Variants in SYT1 observed in about 807,000 individuals in gnomAD.
SYT1 encodes the protein synaptotagmin 1.
Under a neutral mutation model 44.8 loss-of-function variants are expected in SYT1, and 8 were observed. The observed-to-expected ratio is 0.18, with a 90% CI of 0.10 to 0.32. The LOEUF (loss-of-function observed/expected upper bound fraction) is 0.32. Among genes scored for constraint, SYT1 ranks in the 10% least tolerant of loss-of-function variants. SYT1 has a pLI of 1.00. For missense variants in SYT1, 286 were observed against 509.3 expected (o/e 0.56, Z 4.22); for synonymous variants, 154 against 188.8 (o/e 0.82, Z 1.51).
intron 1 of SYT1, among the ~76,000 whole-genome samples, chr12:78,946,118 T>C (rs1258445354): frequency 3.9e-5 from 6 of 152,214 alleles, no homozygotes; most frequent in Non-Finnish European, 8.8e-5. Flanking sequence ...AGAGAATTCT[T>C]AAATAAAACT....
At chr12:78,887,642 C>T (rs1312640003) in intron 1 of SYT1, among the ~76,000 whole-genome samples, 6 of 151,776 alleles carry the variant, frequency 4.0e-5, no homozygotes, top group Non-Finnish European at 5.9e-5. Flanking sequence ...ATTTCTGTAA[C>T]GTAATTGCTT....
At chr12:79,105,321 G>A (rs1878656398) in intron 3 of SYT1, among the ~76,000 whole-genome samples, 1 of 152,116 alleles carries the variant, frequency 6.6e-6, no homozygotes, top group African/African-American at 2.4e-5. Context: ...AACGTGTCCA[G>A]CACTAACAAA....
chr12:79,037,448 T>C (rs1873206272), intron 2 of SYT1, among the ~76,000 whole-genome samples: 1 of 151,802 alleles, frequency 6.6e-6, no homozygotes, highest in Non-Finnish European at 1.5e-5. Flanking sequence ...GTTTTCGTAT[T>C]TGTTGACTTG....
chr12:78,911,804 C>A (rs1876346647), intron 1 of SYT1, among the ~76,000 whole-genome samples: 1 of 151,936 alleles, frequency 6.6e-6, no homozygotes. Context: ...GCTGGGGAAA[C>A]ATTTGCGATT....
intron 1 of SYT1, among the ~76,000 whole-genome samples, chr12:78,919,040 G>A (rs924007674): frequency 6.6e-6 from 1 of 151,962 alleles, no homozygotes; most frequent in African/African-American, 2.4e-5. Flanking sequence ...GGCCAGGAAA[G>A]CATTGATGTG....
At chr12:78,985,666 A>T (rs979587688) in intron 2 of SYT1, among the ~76,000 whole-genome samples, 1 of 151,824 alleles carries the variant, frequency 6.6e-6, no homozygotes, top group East Asian at 1.9e-4. Flanking sequence ...AAATTTTGGG[A>T]CTTATTATAT....
At chr12:79,291,770 A>G (rs1303679697) in intron 5 of SYT1, 4 of 613,812 alleles carry the variant, frequency 6.5e-6, no homozygotes, top group Non-Finnish European at 1.2e-5. Context: ...TGCTTGCAAT[A>G]TTCTGAGGGG....
chr12:79,275,449 C>T (rs1878662138), intron 4 of SYT1, among the ~76,000 whole-genome samples: 1 of 152,108 alleles, frequency 6.6e-6, no homozygotes, highest in South Asian at 2.1e-4. Context: ...CAGGTTCAGG[C>T]TTGCAAGAGG....
At chr12:79,432,496 T>G (rs1271569648) in intron 9 of SYT1, among the ~76,000 whole-genome samples, 1 of 152,128 alleles carries the variant, frequency 6.6e-6, no homozygotes, top group Non-Finnish European at 1.5e-5. Context: ...TTATCACTTT[T>G]TCTAATGGGA....
intron 4 of SYT1, among the ~76,000 whole-genome samples, chr12:79,266,121 A>G (rs1179695535): frequency 1.3e-5 from 2 of 152,202 alleles, no homozygotes; most frequent in Non-Finnish European, 2.9e-5. Context: ...GCCTCTGATT[A>G]TATTTTTATT....
At chr12:79,235,546 T>A (rs112586418) in intron 4 of SYT1, among the ~76,000 whole-genome samples, 5 of 151,022 alleles carry the variant, frequency 3.3e-5, no homozygotes, top group African/African-American at 1.2e-4. Flanking sequence ...AAATATACCA[T>A]TAAGAAAATA....
intron 3 of SYT1, among the ~76,000 whole-genome samples, chr12:79,170,962 T>C (rs1163560944): frequency 6.6e-6 from 1 of 152,094 alleles, no homozygotes; most frequent in Non-Finnish European, 1.5e-5. Flanking sequence ...CTTTCCCCAT[T>C]GCTTGTTTTT....
chr12:79,189,620 T>G (rs1472604140), intron 3 of SYT1, among the ~76,000 whole-genome samples: 1 of 152,020 alleles, frequency 6.6e-6, no homozygotes, highest in Non-Finnish European at 1.5e-5. Context: ...AAAATTAACC[T>G]AGGAAAAGCA....
intron 9 of SYT1, among the ~76,000 whole-genome samples, chr12:79,365,835 A>G (rs1405025364): frequency 2.0e-5 from 1 of 50,826 alleles, no homozygotes; most frequent in Non-Finnish European, 3.0e-5. Context: ...AGAGTACCAG[A>G]AAAAAAAAAA....
At chr12:79,045,376 C>T (rs1278490327) in intron 2 of SYT1, among the ~76,000 whole-genome samples, 1 of 152,082 alleles carries the variant, frequency 6.6e-6, no homozygotes, top group Non-Finnish European at 1.5e-5. Flanking sequence ...AGGGAGTGAC[C>T]CGATTTTCCA....
At chr12:79,056,845 A>C (rs1423656734) in intron 3 of SYT1, among the ~76,000 whole-genome samples, 1 of 152,038 alleles carries the variant, frequency 6.6e-6, no homozygotes, top group Non-Finnish European at 1.5e-5. Context: ...GATACAGAAT[A>C]CTGTTTCTCC....
chr12:79,255,146 A>T (rs1877442943), intron 4 of SYT1, among the ~76,000 whole-genome samples: 1 of 152,196 alleles, frequency 6.6e-6, no homozygotes, highest in Non-Finnish European at 1.5e-5. Context: ...TGAAAGGAAG[A>T]GTTGGTTGAT....
At chr12:79,332,007 G>C (rs114808576) in intron 8 of SYT1, among the ~76,000 whole-genome samples, 1,644 of 152,210 alleles carry the variant, frequency 0.011, 26 homozygotes, top group African/African-American at 0.036. Context: ...AATTGTCGTA[G>C]TTTAGAATGC....
chr12:79,404,372 A>C (rs758153092), intron 9 of SYT1, among the ~76,000 whole-genome samples: 1 of 152,198 alleles, frequency 6.6e-6, no homozygotes, highest in Non-Finnish European at 1.5e-5. Context: ...ATTATGTCCC[A>C]AAACACCTTC....
Sources: gnomAD v4.1 joint callset for allele counts (sites outside exome capture counted in the v4.1 genomes callset) on GRCh38, gnomAD v4.1.1 for gene constraint, MANE v1.5 for transcripts, NCBI Gene and HGNC (gene_info 2026-07-23, HGNC 2026-07-21) for gene names.